MTBP: variants seen among roughly 807,000 people sequenced by gnomAD.
The protein encoded by MTBP is MDM2 binding protein.
A neutral mutation model predicts 117.0 loss-of-function variants in MTBP; 101 were observed. The observed-to-expected ratio is 0.86, with a 90% CI of 0.73 to 1.02. The LOEUF (loss-of-function observed/expected upper bound fraction) is 1.02, where lower values mean the gene tolerates loss of function less well. Among genes scored for constraint, MTBP ranks in the 50% least tolerant of loss-of-function variants. The pLI is 0.00. For synonymous variants in MTBP, 350 were observed against 351.5 expected (o/e 1.00, Z 0.05); for missense variants, 970 against 1,030.9 (o/e 0.94, Z 0.81).
chr8:120,516,331 C>T, intron 18 of MTBP, 140 bp downstream of exon 18: 1 of 771,314 alleles, frequency 1.3e-6, no homozygotes, highest in South Asian at 2.2e-5. Flanking sequence ...GATAATTTTG[C>T]TTATAAGTTA....
At chr8:120,496,035 G>A (rs1333905609) in intron 13 of MTBP, among the ~76,000 whole-genome samples, 1 of 152,182 alleles carries the variant, frequency 6.6e-6, no homozygotes, top group Non-Finnish European at 1.5e-5. Flanking sequence ...ATAGATGAAA[G>A]CTGTACTAAA....
At chr8:120,481,076 G>A in intron 11 of MTBP, among the ~76,000 whole-genome samples, 1 of 152,114 alleles carries the variant, frequency 6.6e-6, no homozygotes, top group East Asian at 1.9e-4. Context: ...TAAACTCCAC[G>A]AAAAGATGCC....
At position 120,456,649 on chromosome 8, in the gene MTBP, A is replaced by G; in HGVS notation, c.726A>G (p.Lys242=). 6.3e-7 allele frequency: 1 copy of G among 1,582,608 alleles called. No homozygotes were observed. The highest frequency in any genetic ancestry group is 1.1e-5 in the South Asian group (1 of 88,408). Residue 242 remains lysine, a synonymous_variant, in exon 7 of 22, where the codon AAA becomes AAG. Coordinates refer to ENST00000305949, the MANE Select transcript of MTBP (RefSeq NM_022045.5). ...ACTCAAAGGAATTATGGAGGGGGAA[A>G]ATACAGATATGGGAAAGAAAGGTAA... The part of the protein sequence containing the change: ...VIDSKELWRG[K]IQIWERKFGF...
intron 16 of MTBP, among the ~76,000 whole-genome samples, chr8:120,507,861 GAAAT>G (rs1200990743): frequency 1.3e-5 from 2 of 152,072 alleles, no homozygotes; most frequent in Non-Finnish European, 2.9e-5. Context: ...AGAAAGTAAA[GAAAT>G]ATACATGTTT....
In MTBP at chr8:120,523,294, C is replaced by G. The variant is rs183838212; in HGVS notation, c.2677-4C>G. The G allele has an allele frequency of 1.3e-5, 20 of 1,544,306 alleles. No homozygotes were observed. In the Admixed American group the frequency reaches 3.7e-4, roughly 28 times the overall value. On this transcript the variant is annotated splice_region_variant and splice_polypyrimidine_tract_variant and intron_variant, in intron 21 of 21. Coordinates refer to ENST00000305949, the MANE Select transcript of MTBP (RefSeq NM_022045.5). ...TTCTGTAATCATATTTTTTCTCCCC[C>G]TAGGTGATTGACTGGGTATTAGAAA...
In MTBP at chr8:120,446,473, C is replaced by A; in HGVS notation, c.159C>A (p.Ser53Arg). 6.2e-7 allele frequency: 1 copy of A among 1,609,554 alleles called. No individual in the cohort carries two copies. Among genetic ancestry groups the A allele is most frequent in the Non-Finnish European group, 8.5e-7 (1 of 1,176,192 alleles). ...AANVYHLLKR[S>R]ISASINPEDS... Reference sequence around the variant, plus strand: ...ATGTTTATCACCTCTTGAAAAGAAGCATTAGTGCTTCAATTAATCCAGAAG... The same window carrying A: ...ATGTTTATCACCTCTTGAAAAGAAGAATTAGTGCTTCAATTAATCCAGAAG... The change falls in exon 2 of 22, where the codon AGC (serine) becomes AGA (arginine). Residue 53 changes from serine (S) to arginine (R), a missense_variant. Transcript: ENST00000305949.
At chr8:120,447,611 C>A (rs920239164) in intron 2 of MTBP, among the ~76,000 whole-genome samples, 4 of 151,868 alleles carry the variant, frequency 2.6e-5, no homozygotes. Flanking sequence ...CTAATATAAT[C>A]AATGAGAAAA....
At position 120,469,725 on chromosome 8, in the gene MTBP, C is replaced by A. The variant is rs374650997; in HGVS notation, c.1048-1095C>A. Among the ~76,000 whole-genome samples, 282 of 152,192 alleles carry A rather than the reference C, an allele frequency of 1.9e-3. 3 individuals carry two copies. Among genetic ancestry groups the A allele is most frequent in the African/African-American group, 6.4e-3 (267 of 41,534 alleles). ...AAACAGCAAGTAATAAGTTATTAGC[C>A]AGAAAACATAAAGCGAGAAATGCTC... On this transcript the variant is annotated intron_variant, in intron 10 of 21. Coordinates refer to ENST00000305949, the MANE Select transcript of MTBP (RefSeq NM_022045.5).
intron 13 of MTBP, among the ~76,000 whole-genome samples, chr8:120,493,605 T>C (rs570709318): frequency 6.6e-6 from 1 of 152,066 alleles, no homozygotes; most frequent in Non-Finnish European, 1.5e-5. Context: ...ATTCTTGTTC[T>C]TCAGCCTCCC....
chr8:120,447,247 G>T (rs185339087), intron 2 of MTBP, among the ~76,000 whole-genome samples: 135 of 151,868 alleles, frequency 8.9e-4, no homozygotes, highest in Non-Finnish European at 1.6e-3. Flanking sequence ...TCCCGTGACT[G>T]TACAATCTGC....
At chr8:120,493,801 A>T (rs558129357) in intron 13 of MTBP, among the ~76,000 whole-genome samples, 1 of 152,212 alleles carries the variant, frequency 6.6e-6, no homozygotes, top group African/African-American at 2.4e-5. Flanking sequence ...AGATTTGAGT[A>T]TATTTTTAAC....
chr8:120,447,710 A>C (rs1472341163), intron 2 of MTBP, among the ~76,000 whole-genome samples: 1 of 152,224 alleles, frequency 6.6e-6, no homozygotes, highest in African/African-American at 2.4e-5. Flanking sequence ...ATAAAAAAAT[A>C]GTAAAAATAA....
rs1814492680 is a variant in MTBP at position 120,497,471 on chromosome 8, A to G, written c.1526A>G (p.His509Arg). The G allele has an allele frequency of 6.2e-7, 1 of 1,605,474 alleles. No individual in the cohort carries two copies. Among genetic ancestry groups the G allele is most frequent in the Non-Finnish European group, 8.5e-7 (1 of 1,174,354 alleles). The change falls in exon 14 of 22, where the codon CAC becomes CGC. Residue 509 changes from histidine to arginine, a missense_variant. By Grantham distance (29) the His-to-Arg change is conservative. Coordinates refer to ENST00000305949, the MANE Select transcript of MTBP (RefSeq NM_022045.5). ...AGTCTGTTAGTACTCACAAGGAAAC[A>G]CTTTTTAGATTATTTTGATGCTGTG... ...LKSLLVLTRK[H>R]FLDYFDAVIP...
At chr8:120,458,711 G>A (rs1018923523) in intron 7 of MTBP, among the ~76,000 whole-genome samples, 5 of 151,780 alleles carry the variant, frequency 3.3e-5, no homozygotes, top group Non-Finnish European at 4.4e-5. Context: ...CATGGTGGCA[G>A]GTCCCTGTAA....
intron 20 of MTBP, among the ~76,000 whole-genome samples, chr8:120,519,176 G>A (rs1183437756): frequency 5.1e-5 from 7 of 138,286 alleles, no homozygotes; most frequent in Non-Finnish European, 1.1e-4. Context: ...AATTGAAAAT[G>A]TTCTGAAAAA....
At chr8:120,479,926 G>T (rs1051597178) in intron 11 of MTBP, among the ~76,000 whole-genome samples, 1 of 152,044 alleles carries the variant, frequency 6.6e-6, no homozygotes, top group Non-Finnish European at 1.5e-5. Context: ...TAAGCAAGAA[G>T]ACCTAATCTA....
chr8:120,513,163 A>G (rs577937916), intron 17 of MTBP, among the ~76,000 whole-genome samples: 8 of 152,194 alleles, frequency 5.3e-5, no homozygotes, highest in African/African-American at 1.9e-4. Flanking sequence ...CTCTGCTGTC[A>G]TACTCTGACA....
At chr8:120,472,904 TTGAAAACA>T (rs1434428479) in intron 11 of MTBP, 1 of 152,194 alleles carries the variant, frequency 6.6e-6, no homozygotes, top group Non-Finnish European at 1.5e-5. Context: ...TTAGGAATGG[TTGAAAACA>T]ACAATACATA....
At chr8:120,454,991 T>C (rs1160651662) in intron 5 of MTBP, among the ~76,000 whole-genome samples, 1 of 152,002 alleles carries the variant, frequency 6.6e-6, no homozygotes, top group African/African-American at 2.4e-5. Context: ...ATCATTTATT[T>C]GAACATTACA....
Sources: allele counts gnomAD v4.1 joint callset (sites outside exome capture counted in the v4.1 genomes callset), GRCh38; gene constraint gnomAD v4.1.1; transcripts MANE v1.5; gene names NCBI Gene and HGNC (gene_info 2026-07-23, HGNC 2026-07-21).